SLC35F3: variants seen among roughly 807,000 people sequenced by gnomAD.
The protein encoded by SLC35F3 is putative thiamine transporter SLC35F3.
In SLC35F3, 25 loss-of-function variants were observed where a neutral mutation model predicts 49.9. That is an observed-to-expected ratio of 0.50 (90% confidence interval 0.37 to 0.70). The LOEUF (loss-of-function observed/expected upper bound fraction) is 0.70. Ranked by LOEUF, SLC35F3 falls within the 30% of genes least tolerant of loss-of-function variation. The probability of loss-of-function intolerance (pLI) is 0.00; values close to 1 mark genes in which losing one functional copy is unlikely to be tolerated. For synonymous variants in SLC35F3, 275 were observed against 265.4 expected (o/e 1.04, Z -0.35); for missense variants, 525 against 639.8 (o/e 0.82, Z 1.94).
intron 2 of SLC35F3, among the ~76,000 whole-genome samples, chr1:233,967,351 A>G (rs1662921047): frequency 6.6e-6 from 1 of 152,220 alleles, no homozygotes; most frequent in Non-Finnish European, 1.5e-5. Flanking sequence ...GATTCTAGGC[A>G]TCTATATGTA....
At chr1:234,100,854 G>C (rs1305684036) in intron 2 of SLC35F3, among the ~76,000 whole-genome samples, 1 of 152,174 alleles carries the variant, frequency 6.6e-6, no homozygotes, top group African/African-American at 2.4e-5. Context: ...ATGCCAGGAT[G>C]GGGCAGGAAT....
At chr1:233,915,522 C>A (rs1283564314) in intron 2 of SLC35F3, among the ~76,000 whole-genome samples, 1 of 151,912 alleles carries the variant, frequency 6.6e-6, no homozygotes, top group African/African-American at 2.4e-5. Flanking sequence ...TGCATTCCAG[C>A]CTGGGTGATA....
At chr1:234,288,105 T>C (rs1203550569) in intron 3 of SLC35F3, among the ~76,000 whole-genome samples, 1 of 151,952 alleles carries the variant, frequency 6.6e-6, no homozygotes, top group Non-Finnish European at 1.5e-5. Flanking sequence ...CAGCCTTGTC[T>C]TAAACTCCTG....
At chr1:234,039,948 G>T (rs1664196764) in intron 2 of SLC35F3, among the ~76,000 whole-genome samples, 1 of 152,142 alleles carries the variant, frequency 6.6e-6, no homozygotes, top group African/African-American at 2.4e-5. Context: ...CACATGGGGT[G>T]GCTGCCCTCC....
intron 2 of SLC35F3, among the ~76,000 whole-genome samples, chr1:233,937,253 A>AG (rs1045167516): frequency 6.6e-6 from 1 of 152,254 alleles, no homozygotes; most frequent in African/African-American, 2.4e-5. Context: ...GATTTTAAAA[A>AG]GGAGATTAAG....
In SLC35F3 at chr1:234,159,501, C is replaced by T. The variant is rs565553370; in HGVS notation, c.284-71916C>T. On this transcript the variant is annotated intron_variant, in intron 2 of 7. Transcript: ENST00000366618. ...CTGAGGCGGGAGAATCACTTGAACCCGGGAGGCAGAGGTTGCAGTGAGCCG... is the reference window on the plus strand; with the variant it reads ...CTGAGGCGGGAGAATCACTTGAACCTGGGAGGCAGAGGTTGCAGTGAGCCG... 8.4e-4 allele frequency among the ~76,000 whole-genome samples: 126 copies of T among 150,468 alleles called. 1 individual carries two copies. The highest frequency in any genetic ancestry group is 9.6e-4 in the Non-Finnish European group (65 of 67,534).
chr1:233,994,545 G>A (rs1380835153), intron 2 of SLC35F3, among the ~76,000 whole-genome samples: 2 of 152,196 alleles, frequency 1.3e-5, no homozygotes, highest in African/African-American at 4.8e-5. Flanking sequence ...TCAAAGCAGA[G>A]GCAGTCTGCC....
At position 234,309,217 on chromosome 1, in the gene SLC35F3, A is replaced by G; in HGVS notation, c.725A>G (p.Lys242Arg). The G allele has an allele frequency of 6.2e-7, 1 of 1,614,250 alleles. No individual in the cohort carries two copies. The highest frequency in any genetic ancestry group is 8.5e-7 in the Non-Finnish European group (1 of 1,180,040). Residue 242 changes from lysine to arginine, a missense_variant, in exon 4 of 8, where the codon AAG becomes AGG. Physicochemically the swap from Lys to Arg is conservative, Grantham distance 26 (BLOSUM62 2). Coordinates refer to ENST00000366618, the MANE Select transcript of SLC35F3 (RefSeq NM_173508.4). Reference sequence around the variant, plus strand: ...AACTACCTGTACTTACATGCAATAAAGAAAATAAACACTACGGATGTCTCC... The same window carrying G: ...AACTACCTGTACTTACATGCAATAAGGAAAATAAACACTACGGATGTCTCC... ...LTNYLYLHAI[K>R]KINTTDVSVL...
chr1:234,201,861 C>T (rs1572092591), intron 2 of SLC35F3, among the ~76,000 whole-genome samples: 1 of 147,878 alleles, frequency 6.8e-6, no homozygotes, highest in Non-Finnish European at 1.5e-5. Context: ...TGTAGTGAGC[C>T]GAGACTGCGC....
At chr1:234,019,193 G>C (rs371397477) in intron 2 of SLC35F3, among the ~76,000 whole-genome samples, 33 of 152,282 alleles carry the variant, frequency 2.2e-4, no homozygotes, top group African/African-American at 6.7e-4. Flanking sequence ...ACTATCACTA[G>C]GGTCTTCTGC....
chr1:234,202,524 C>G (rs914383941), intron 2 of SLC35F3, among the ~76,000 whole-genome samples: 3 of 152,190 alleles, frequency 2.0e-5, no homozygotes, highest in Non-Finnish European at 2.9e-5. Context: ...AATTTCTAAC[C>G]AGTGCGCCCT....
intron 2 of SLC35F3, among the ~76,000 whole-genome samples, chr1:233,926,994 G>A (rs1213311230): frequency 2.6e-5 from 4 of 152,164 alleles, no homozygotes; most frequent in African/African-American, 9.7e-5. Flanking sequence ...ATTGCAGAAC[G>A]GCAAATGTTG....
chr1:234,235,025 T>A (rs993222478), intron 3 of SLC35F3, among the ~76,000 whole-genome samples: 1 of 152,200 alleles, frequency 6.6e-6, no homozygotes, highest in Non-Finnish European at 1.5e-5. Context: ...CCAACCCCTA[T>A]GCTGCATGCA....
In SLC35F3 at chr1:234,241,606, A is replaced by G. The variant is rs1367048367; in HGVS notation, c.608+9865A>G. ...CAAAATTAGCTGGGCATGGTAGCACATGCCTGTAATCCCAGCTACTTGTGA... is the reference window on the plus strand; with the variant it reads ...CAAAATTAGCTGGGCATGGTAGCACGTGCCTGTAATCCCAGCTACTTGTGA... On this transcript the variant is annotated intron_variant, in intron 3 of 7. Transcript: ENST00000366618. 3.3e-5 allele frequency among the ~76,000 whole-genome samples: 5 copies of G among 152,094 alleles called. No homozygotes were observed. In the East Asian group the frequency reaches 9.7e-4, roughly 29 times the overall value.
chr1:233,944,536 A>G (rs1381276567), intron 2 of SLC35F3, among the ~76,000 whole-genome samples: 2 of 152,192 alleles, frequency 1.3e-5, no homozygotes, highest in Non-Finnish European at 2.9e-5. Flanking sequence ...GCTCATATCC[A>G]TCGAAGGTGC....
intron 3 of SLC35F3, among the ~76,000 whole-genome samples, chr1:234,235,979 C>T (rs1288030866): frequency 4.6e-5 from 7 of 152,024 alleles, no homozygotes; most frequent in Admixed American, 1.3e-4. Context: ...AGTTACTGTG[C>T]GTCTTCTCTA....
At chr1:234,091,513 G>A (rs1049827021) in intron 2 of SLC35F3, among the ~76,000 whole-genome samples, 4 of 152,170 alleles carry the variant, frequency 2.6e-5, no homozygotes, top group African/African-American at 9.6e-5. Context: ...GTCTGTTCAT[G>A]CATCTCCAAC....
chr1:234,108,305 TTA>T (rs1346403255), intron 2 of SLC35F3, among the ~76,000 whole-genome samples: 3 of 123,876 alleles, frequency 2.4e-5, no homozygotes, highest in Admixed American at 9.8e-5. Flanking sequence ...AGATATATAT[TTA>T]TATATATAAA....
At chr1:233,928,757 G>C (rs1662198234) in intron 2 of SLC35F3, among the ~76,000 whole-genome samples, 1 of 152,096 alleles carries the variant, frequency 6.6e-6, no homozygotes. Context: ...CAAAAGGAGA[G>C]CTTCTCTGAT....
Sources: allele counts gnomAD v4.1 joint callset (sites outside exome capture counted in the v4.1 genomes callset), GRCh38; gene constraint gnomAD v4.1.1; transcripts MANE v1.5; gene names NCBI Gene and HGNC (gene_info 2026-07-23, HGNC 2026-07-21).